Variants in MYH9 observed in about 807,000 individuals in gnomAD.
The protein encoded by MYH9 is myosin heavy chain 9.
A neutral mutation model predicts 241.9 loss-of-function variants in MYH9; 29 were observed. The ratio of observed to expected loss-of-function variants is 0.12; its 90% CI spans 0.09 to 0.16. The LOEUF (loss-of-function observed/expected upper bound fraction) is 0.16. Among genes scored for constraint, MYH9 ranks in the 10% least tolerant of loss-of-function variants. The probability of loss-of-function intolerance (pLI) is 1.00; values close to 1 mark genes in which losing one functional copy is unlikely to be tolerated. For missense variants in MYH9, 1,803 were observed against 2,595.5 expected (o/e 0.69, Z 6.63); for synonymous variants, 1,047 against 1,062.6 (o/e 0.99, Z 0.29).
rs866319291 is a variant in MYH9 at position 36,368,561 on chromosome 22, T to C, written c.-20+19246A>G. Among the ~76,000 whole-genome samples the C allele has an allele frequency of 2.0e-5, 3 of 152,138 alleles. No homozygotes were observed. In the South Asian group the frequency reaches 6.2e-4, roughly 31 times the overall value. ...AAGCGCAGAGGTGGACCCGCAAGCT[T>C]TCCAGTAGCCCAGGGCCAAAGCACC... On this transcript the variant is annotated intron_variant, in intron 1 of 40. Transcript: ENST00000216181.
chr22:36,300,806 C>T lies in MYH9; in HGVS notation c.2838+45G>A, dbSNP rs931642648. ...CTGGTTCCTGCTCCTCCGCCCCGCC[C>T]TGCCCCTCCGGCGCCACCCCTCCCC... is the stretch of plus-strand genomic sequence containing the variant. On this transcript the variant is annotated intron_variant, in intron 22 of 40. Coordinates refer to ENST00000216181, the MANE Select transcript of MYH9 (RefSeq NM_002473.6). This position sits in a 1 kb window ranked among gnomAD's most constrained non-coding sequence, Gnocchi z 5.0. The T allele has an allele frequency of 7.5e-6, 12 of 1,596,092 alleles. No homozygotes were observed. The highest frequency in any genetic ancestry group is 9.3e-6 in the Non-Finnish European group (11 of 1,177,784).
intron 2 of MYH9, 70 bp downstream of exon 2, chr22:36,348,834 A>AGGGGGGGGGGGGGGG: frequency 3.4e-6 from 3 of 888,380 alleles, no homozygotes; most frequent in East Asian, 1.0e-4. Context: ...GGGTGATGGG[A>AGGGGGGGGGGGGGGG]AGACCCGCCC....
At chr22:36,362,536 T>A (rs1194485525) in intron 1 of MYH9, among the ~76,000 whole-genome samples, 1 of 152,144 alleles carries the variant, frequency 6.6e-6, no homozygotes, top group Non-Finnish European at 1.5e-5. Context: ...TTGCCCGGGC[T>A]GGAGTGCAGT....
Position 36,306,694 on chromosome 22 carries a change from G to T in MYH9, c.1844-87C>A. 7.7e-7 allele frequency: 1 copy of T among 1,297,640 alleles called. No homozygotes were observed. Among genetic ancestry groups the T allele is most frequent in the Non-Finnish European group, 1.1e-6 (1 of 924,258 alleles). 80.4% of individuals were successfully genotyped at this position (1,297,640 alleles called of 1,614,324 possible). A position where few individuals can be genotyped will look rare whatever the true frequency, so the allele number is the denominator to read the frequency against. On this transcript the variant is annotated intron_variant, in intron 15 of 40. Transcript: ENST00000216181. The surrounding 1 kb of genome is among the most constrained non-coding windows in gnomAD (Gnocchi z 4.1). ...ACGTAGGAGAGAGAGACAGGCACAC[G>T]TCGGACAGGAAAAGAGGAGACAGAA...
In MYH9 at chr22:36,341,242, CA is replaced by C. The variant is rs2017583781; in HGVS notation, c.490+127del. The C allele has an allele frequency of 4.2e-6, 5 of 1,182,334 alleles. No individual in the cohort carries two copies. In the African/African-American group the frequency reaches 7.5e-5, roughly 18 times the overall value. 73.2% of individuals were successfully genotyped at this position (1,182,334 alleles called of 1,614,324 possible). ...TTTCATACAGAGGTCTACAGACCTCCATGATGCACTGCCCATCACCAGCCAC... is the reference window on the plus strand; with the variant it reads ...TTTCATACAGAGGTCTACAGACCTCCTGATGCACTGCCCATCACCAGCCAC... On this transcript the variant is annotated intron_variant, in intron 3 of 40. Coordinates refer to ENST00000216181, the MANE Select transcript of MYH9 (RefSeq NM_002473.6).
At chr22:36,356,580 CAAAAAAAAAA>C (rs34880972) in intron 1 of MYH9, among the ~76,000 whole-genome samples, 18 of 24,648 alleles carry the variant, frequency 7.3e-4, no homozygotes, top group Non-Finnish European at 1.3e-3. Flanking sequence ...GACTCCATCT[CAAAAAAAAAA>C]AAAAAAAAAA....
chr22:36,345,164 T>C (rs565093483), intron 2 of MYH9, among the ~76,000 whole-genome samples: 34 of 150,718 alleles, frequency 2.3e-4, no homozygotes, highest in African/African-American at 7.3e-4. Context: ...TACAAAAAAT[T>C]AGCCGGGTGT....
intron 1 of MYH9, among the ~76,000 whole-genome samples, chr22:36,378,529 C>G (rs149261482): frequency 3.1e-4 from 47 of 152,270 alleles, no homozygotes; most frequent in African/African-American, 1.1e-3. Context: ...TACTAGAAAT[C>G]AGGGCTGGCT....
Position 36,305,658 on chromosome 22 carries a change from T to C in MYH9, c.2159+272A>G, listed in dbSNP as rs183420632. Reference sequence around the variant, plus strand: ...TTTCTTTTCATAGCTCCTCTAACTGTAGCAAATAGCACCAGGGCCGGCAGT... The same window carrying C: ...TTTCTTTTCATAGCTCCTCTAACTGCAGCAAATAGCACCAGGGCCGGCAGT... On this transcript the variant is annotated intron_variant, in intron 17 of 40. Coordinates refer to ENST00000216181, the MANE Select transcript of MYH9 (RefSeq NM_002473.6). This position sits in a 1 kb window ranked among gnomAD's most constrained non-coding sequence, Gnocchi z 4.7. Among the ~76,000 whole-genome samples, 23 of 152,302 alleles carry C rather than the reference T, an allele frequency of 1.5e-4. No individual in the cohort carries two copies. In the East Asian group the frequency reaches 4.2e-3, roughly 28 times the overall value.
At chr22:36,339,316 C>T (rs1019433840) in intron 3 of MYH9, among the ~76,000 whole-genome samples, 1 of 152,156 alleles carries the variant, frequency 6.6e-6, no homozygotes, top group African/African-American at 2.4e-5. Context: ...AAGATGACTC[C>T]GGAGTACACT....
At chr22:36,332,661 TAAAAAAAAAAAAAAAAAA>T (rs67602880) in intron 3 of MYH9, among the ~76,000 whole-genome samples, 1 of 44,476 alleles carries the variant, frequency 2.2e-5, no homozygotes, top group Non-Finnish European at 3.6e-5. Flanking sequence ...TCTGGATAAT[TAAAAAAAAAAAAAAAAAA>T]AAAAAAAAAA....
chr22:36,365,948 G>A (rs896238802), intron 1 of MYH9, among the ~76,000 whole-genome samples: 1 of 152,134 alleles, frequency 6.6e-6, no homozygotes, highest in African/African-American at 2.4e-5. Context: ...AGGCGCTTTG[G>A]GAGGCTGAGG....
intron 40 of MYH9, among the ~76,000 whole-genome samples, chr22:36,283,067 G>A (rs2016519053): frequency 6.6e-6 from 1 of 152,170 alleles, no homozygotes; most frequent in Non-Finnish European, 1.5e-5. Context: ...ATTACAACAG[G>A]AAAGGCACAA....
intron 1 of MYH9, among the ~76,000 whole-genome samples, chr22:36,357,672 C>T (rs2017877622): frequency 6.6e-6 from 1 of 152,158 alleles, no homozygotes; most frequent in African/African-American, 2.4e-5. Context: ...GTCATCCTCC[C>T]CCATCTCTGA....
intron 1 of MYH9, among the ~76,000 whole-genome samples, chr22:36,370,283 T>C (rs1215191544): frequency 6.6e-6 from 1 of 152,204 alleles, no homozygotes; most frequent in Non-Finnish European, 1.5e-5. Context: ...ACGCCCATCA[T>C]GCTGGTGAGG....
At chr22:36,340,662 CAAA>C (rs59035920) in intron 3 of MYH9, among the ~76,000 whole-genome samples, 5 of 98,948 alleles carry the variant, frequency 5.1e-5, no homozygotes. Flanking sequence ...GATTCCGTCT[CAAA>C]AAAAAAAAAA....
intron 3 of MYH9, among the ~76,000 whole-genome samples, chr22:36,336,372 A>G (rs1371997931): frequency 6.6e-6 from 1 of 152,232 alleles, no homozygotes; most frequent in African/African-American, 2.4e-5. Context: ...TAGGCGAGGC[A>G]GACCTTTTGC....
intron 3 of MYH9, among the ~76,000 whole-genome samples, chr22:36,331,917 T>G (rs2017426588): frequency 6.6e-6 from 1 of 152,234 alleles, no homozygotes; most frequent in African/African-American, 2.4e-5. Flanking sequence ...TGGGATAATC[T>G]GAGACAAATG....
At chr22:36,358,371 C>A (rs974237724) in intron 1 of MYH9, among the ~76,000 whole-genome samples, 8 of 152,148 alleles carry the variant, frequency 5.3e-5, no homozygotes, top group African/African-American at 1.9e-4. Flanking sequence ...GGCCCAAACG[C>A]TATTTATTGA....
Sources: allele counts gnomAD v4.1 joint callset (sites outside exome capture counted in the v4.1 genomes callset), GRCh38; gene constraint gnomAD v4.1.1; non-coding constraint Gnocchi (gnomAD v3.1); transcripts MANE v1.5; gene names NCBI Gene and HGNC (gene_info 2026-07-23, HGNC 2026-07-21).